TEF: variants seen among roughly 807,000 people sequenced by gnomAD.
TEF encodes the protein TEF transcription factor, PAR bZIP family member, also known as thyrotroph embryonic factor.
A neutral mutation model predicts 20.8 loss-of-function variants in TEF; 3 were observed. The observed-to-expected ratio is 0.14, with a 90% CI of 0.07 to 0.37. TEF has a LOEUF of 0.37. TEF is among the 10% of genes least tolerant of loss of function. TEF has a pLI of 1.00. For missense variants in TEF, 296 were observed against 397.9 expected (o/e 0.74, Z 2.18); for synonymous variants, 180 against 171.1 (o/e 1.05, Z -0.41).
At chr22:41,373,415 G>C (rs567085853) in intron 1 of TEF, among the ~76,000 whole-genome samples, 2 of 152,108 alleles carry the variant, frequency 1.3e-5, no homozygotes, top group African/African-American at 4.8e-5. Flanking sequence ...AAGCCTTACA[G>C]ATAACATCAA....
Position 41,387,466 on chromosome 22 carries a change from C to G in TEF, c.273C>G (p.Gly91=). 1 of 1,614,194 alleles carries G rather than the reference C, an allele frequency of 6.2e-7. No individual in the cohort carries two copies. The highest frequency in any genetic ancestry group is 8.5e-7 in the Non-Finnish European group (1 of 1,180,024). ...PIWDKTIPYD[G]ESFHLEYMDL... is the part of the protein sequence containing the mutation. Reference sequence around the variant, plus strand: ...GGGACAAGACCATCCCATATGATGGCGAATCTTTCCACCTGGAGTACATGG... The same window carrying G: ...GGGACAAGACCATCCCATATGATGGGGAATCTTTCCACCTGGAGTACATGG... Residue 91 remains glycine (G), a synonymous_variant, in exon 2 of 4, where the codon GGC becomes GGG. Coordinates refer to ENST00000266304, the MANE Select transcript of TEF (RefSeq NM_003216.4).
rs1231441545 is a variant in TEF, at chr22:41,397,045, G to A, written c.*1085G>A. On this transcript the variant is annotated 3_prime_UTR_variant, in exon 4 of 4. Coordinates refer to ENST00000266304, the MANE Select transcript of TEF (RefSeq NM_003216.4). ...AGTGCACTCTCCCTGGGGGCAGCTG[G>A]GGCCTCGCAATTCTTGCTTCAGGAT... 1.0e-5 allele frequency: 4 copies of A among 398,758 alleles called. No individual in the cohort carries two copies. Among genetic ancestry groups the A allele is most frequent in the African/African-American group, 8.2e-5 (4 of 48,622 alleles). The allele number at this position is 398,758 out of a possible 1,614,324, so 24.7% of individuals were successfully genotyped here. A position where few individuals can be genotyped will look rare whatever the true frequency, so the allele number is the denominator to read the frequency against.
chr22:41,390,307 G>T (rs1197673687), intron 2 of TEF, among the ~76,000 whole-genome samples: 1 of 152,136 alleles, frequency 6.6e-6, no homozygotes, highest in African/African-American at 2.4e-5. Flanking sequence ...CTGCCAAATA[G>T]CGTACAAAGT....
At chr22:41,369,439 TCTCA>T (rs1272526040) in intron 1 of TEF, among the ~76,000 whole-genome samples, 2 of 152,090 alleles carry the variant, frequency 1.3e-5, no homozygotes, top group Non-Finnish European at 2.9e-5. Context: ...TCATGTGGCA[TCTCA>T]CTGAGAGTGA....
chr22:41,387,788 G>A, intron 2 of TEF, 120 bp downstream of exon 2: 1 of 1,053,456 alleles, frequency 9.5e-7, no homozygotes, highest in Non-Finnish European at 1.4e-6. Context: ...GTCCTGGTGG[G>A]GCTGCAGTGT....
At chr22:41,369,156 C>T (rs1723686689) in intron 1 of TEF, 2 of 985,350 alleles carry the variant, frequency 2.0e-6, no homozygotes, top group Non-Finnish European at 2.4e-6. Flanking sequence ...ACTCGGGGCA[C>T]TGCTCCTCAG....
chr22:41,377,596 G>A (rs2036959169), upstream of TEF, among the ~76,000 whole-genome samples: 4 of 152,238 alleles, frequency 2.6e-5, no homozygotes, highest in Admixed American at 2.0e-4. Context: ...GAGAGAGGCT[G>A]CTGTGGTGGA....
At chr22:41,390,233 G>A (rs1426070640) in intron 2 of TEF, among the ~76,000 whole-genome samples, 1 of 151,974 alleles carries the variant, frequency 6.6e-6, no homozygotes. Flanking sequence ...GTTTCTTTTG[G>A]GCATTTGCTT....
intron 1 of TEF, among the ~76,000 whole-genome samples, chr22:41,385,892 C>T (rs150221491): frequency 0.019 from 2,889 of 152,106 alleles, 88 homozygotes; most frequent in African/African-American, 0.065. Flanking sequence ...ACCATGTTGG[C>T]CAGGCTGGTC....
At chr22:41,375,803 G>A (rs577756349) in intron 1 of TEF, among the ~76,000 whole-genome samples, 7 of 151,820 alleles carry the variant, frequency 4.6e-5, no homozygotes, top group Admixed American at 4.6e-4. Context: ...CTAGTACCAA[G>A]AACAAAGCAA....
upstream of TEF, among the ~76,000 whole-genome samples, chr22:41,377,004 T>G (rs1029107085): frequency 1.3e-5 from 2 of 152,148 alleles, no homozygotes; most frequent in Non-Finnish European, 2.9e-5. Flanking sequence ...GTTTCTTGTT[T>G]TTGGTTTTTT....
At chr22:41,377,393 G>A (rs1463138561), upstream of TEF, 1 of 152,038 alleles carries the variant, frequency 6.6e-6, no homozygotes, top group Non-Finnish European at 1.5e-5. Context: ...TTTTCCCCCT[G>A]AAAAGCCTCT....
upstream of TEF, chr22:41,381,921 G>GGGGCGCCATT: frequency 8.2e-7 from 1 of 1,226,434 alleles, no homozygotes; most frequent in East Asian, 3.2e-5. Context: ...GAAGGAGGCG[G>GGGGCGCCATT]GGGCGCCATT....
intron 2 of TEF, among the ~76,000 whole-genome samples, chr22:41,391,345 T>A (rs1302341715): frequency 6.6e-6 from 1 of 151,462 alleles, no homozygotes; most frequent in Non-Finnish European, 1.5e-5. Context: ...TTTTTTTTTT[T>A]AAGACAGTCT....
upstream of TEF, chr22:41,381,879 G>C (rs2234058): frequency 5.7e-4 from 704 of 1,224,962 alleles, 3 homozygotes; most frequent in African/African-American, 0.01. Context: ...TAATTAATGT[G>C]CCAGAGCCGG....
Position 41,382,109 on chromosome 22 carries a change from C to G in TEF, c.65C>G (p.Pro22Arg), listed in dbSNP as rs572489807. Residue 22 changes from proline (P) to arginine (R), a missense_variant, in exon 1 of 4, where the codon CCG becomes CGG. Pro to Arg is a moderately radical substitution (Grantham distance 103). Around this residue, in one of 2 missense-constraint regions of TEF, gnomAD observed 102 missense variants for 80.1 expected, o/e 1.27. Transcript: ENST00000266304. ...CCGCAGGCAGGACCCGGTCCGGGGCCGGGGCGCGCAGCTGGGGAAAGGGGC... is the reference window on the plus strand; with the variant it reads ...CCGCAGGCAGGACCCGGTCCGGGGCGGGGGCGCGCAGCTGGGGAAAGGGGC... ...VDPQAGPGPGPGRAAGERGLS... is the reference protein window; with the variant it reads ...VDPQAGPGPGRGRAAGERGLS... The G allele has an allele frequency of 8.1e-7, 1 of 1,233,128 alleles. No homozygotes were observed. Among genetic ancestry groups the G allele is most frequent in the South Asian group, 4.1e-5 (1 of 24,414 alleles). 76.4% of individuals were successfully genotyped at this position (1,233,128 alleles called of 1,614,324 possible). A position where few individuals can be genotyped will look rare whatever the true frequency, so the allele number is the denominator to read the frequency against.
intron 2 of TEF, 97 bp downstream of exon 2, chr22:41,387,765 T>TCAGAGAAGGGA: frequency 7.8e-7 from 1 of 1,280,080 alleles, no homozygotes; most frequent in Non-Finnish European, 1.1e-6. Context: ...GTGAGTCCCT[T>TCAGAGAAGGGA]CTCTGAGGGG....
At position 41,397,436 on chromosome 22, in the gene TEF, G is replaced by A. The variant is rs1393529729; in HGVS notation, c.*1476G>A. The A allele has an allele frequency of 4.2e-6, 1 of 236,284 alleles. No individual in the cohort carries two copies. Among genetic ancestry groups the A allele is most frequent in the Non-Finnish European group, 8.1e-6 (1 of 122,898 alleles). The allele number at this position is 236,284 out of a possible 1,614,324, so 14.6% of individuals were successfully genotyped here. A position where few individuals can be genotyped will look rare whatever the true frequency, so the allele number is the denominator to read the frequency against. On this transcript the variant is annotated 3_prime_UTR_variant, in exon 4 of 4. Coordinates refer to ENST00000266304, the MANE Select transcript of TEF (RefSeq NM_003216.4). ...CTCAGGGCGGGCAGCCTATGGTGAA[G>A]AGGAGACAGAGGCGATGGGCGTGCT...
chr22:41,395,871 C>T lies in TEF; in HGVS notation c.823C>T (p.Leu275=), dbSNP rs761472622. ...CTTCCTGGAGAAGGAGAACACAGCC[C>T]TGCGGACGGAGGTGGCCGAGCTACG... ...AAFLEKENTA[L]RTEVAELRKE... is the part of the protein sequence containing the mutation. The change falls in exon 4 of 4, where the codon CTG becomes TTG. Residue 275 remains leucine (L), a synonymous_variant. Transcript: ENST00000266304. 6.2e-7 allele frequency: 1 copy of T among 1,614,198 alleles called. No individual in the cohort carries two copies. The highest frequency in any genetic ancestry group is 8.5e-7 in the Non-Finnish European group (1 of 1,180,018).
Sources: gnomAD v4.1 joint callset for allele counts (sites outside exome capture counted in the v4.1 genomes callset) on GRCh38, gnomAD v4.1.1 for gene constraint, gnomAD v4.1.1 regional missense constraint, MANE v1.5 for transcripts, NCBI Gene and HGNC (gene_info 2026-07-23, HGNC 2026-07-21) for gene names.